CACNG7: variants seen among roughly 807,000 people sequenced by gnomAD.
The protein encoded by CACNG7 is voltage-dependent calcium channel gamma-7 subunit.
Under a neutral mutation model 26.3 loss-of-function variants are expected in CACNG7, and 9 were observed. The observed-to-expected ratio is 0.34, with a 90% CI of 0.21 to 0.60. The LOEUF is 0.60. Ranked by LOEUF, CACNG7 falls within the 20% of genes least tolerant of loss-of-function variation. CACNG7 has a pLI of 0.81. For synonymous variants in CACNG7, 170 were observed against 157.0 expected, an observed-to-expected ratio of 1.08 and a Z score of -0.62; for missense variants, 297 against 380.4, an observed-to-expected ratio of 0.78 and a Z score of 1.82.
intron 4 of CACNG7, among the ~76,000 whole-genome samples, chr19:53,929,804 A>G (rs2145914427): frequency 6.6e-6 from 1 of 152,238 alleles, no homozygotes. Flanking sequence ...AGTGTTATGG[A>G]AGTTCAGAGC....
In CACNG7 at chr19:53,935,800, C is replaced by T. The variant is rs146571217; in HGVS notation, c.425-5670C>T. Among the ~76,000 whole-genome samples the T allele has an allele frequency of 6.9e-3, 1,047 of 151,908 alleles. 12 individuals are homozygous for T. Among genetic ancestry groups the T allele is most frequent in the African/African-American group, 0.024 (1,012 of 41,444 alleles). On this transcript the variant is annotated intron_variant, in intron 4 of 5. Transcript: ENST00000391767. ...GGATTACAGGCACCCACCACCATGC[C>T]CAGCTAATTTTTGTATTTTTAGTAG...
In CACNG7 at chr19:53,941,472, C is replaced by T. The variant is rs370188701; in HGVS notation, c.427C>T (p.Leu143Phe). Residue 143 changes from leucine to phenylalanine, a missense_variant and splice_region_variant, in exon 5 of 6, where the codon CTC (leucine) becomes TTC (phenylalanine). Transcript: ENST00000391767. The part of the protein sequence containing the change: ...VSGIFFILSG[L>F]SLVVGLVLYI... Reference sequence around the variant, plus strand: ...GGGCACCCCCTCTGCTCCCCTAGGCCTCTCCTTGGTGGTGGGCTTGGTTCT... The same window carrying T: ...GGGCACCCCCTCTGCTCCCCTAGGCTTCTCCTTGGTGGTGGGCTTGGTTCT... 2 of 1,561,324 alleles carry T rather than the reference C, an allele frequency of 1.3e-6. No homozygotes were observed. Among genetic ancestry groups the T allele is most frequent in the Non-Finnish European group, 1.7e-6 (2 of 1,159,184 alleles).
intron 3 of CACNG7, 152 bp from the exon 4 acceptor site, chr19:53,915,213 G>T (rs1489362093): frequency 4.8e-6 from 3 of 625,576 alleles, no homozygotes; most frequent in Admixed American, 2.6e-5. Flanking sequence ...ATCAGGGGAA[G>T]GAGAAGAGTC....
chr19:53,928,859 C>T (rs1177373991), intron 4 of CACNG7, among the ~76,000 whole-genome samples: 1 of 151,930 alleles, frequency 6.6e-6, no homozygotes, highest in African/African-American at 2.4e-5. Context: ...GCCTGTAATC[C>T]CAGCACTTTG....
chr19:53,942,512 C>T lies in CACNG7; in HGVS notation c.*219C>T. On this transcript the variant is annotated 3_prime_UTR_variant, in exon 6 of 6. Transcript: ENST00000391767. The surrounding 1 kb of genome is among the most constrained non-coding windows in gnomAD (Gnocchi z 5.9). ...TCCCGACCTCTCCTTTTCATTGGTC[C>T]CTCTCACTCCCAAATGACTCCTCCC... is the stretch of plus-strand genomic sequence containing the variant. 1 of 1,413,710 alleles carries T rather than the reference C, an allele frequency of 7.1e-7. No individual in the cohort carries two copies. Among genetic ancestry groups the T allele is most frequent in the Non-Finnish European group, 9.2e-7 (1 of 1,088,044 alleles). 87.6% of individuals were successfully genotyped at this position (1,413,710 alleles called of 1,614,324 possible).
At chr19:53,941,340 A>T in intron 4 of CACNG7, 130 bp from the exon 5 acceptor site, 1 of 1,045,166 alleles carries the variant, frequency 9.6e-7, no homozygotes, top group Non-Finnish European at 1.3e-6. Flanking sequence ...ACCAAGGCCC[A>T]GCATACAAGG....
intron 4 of CACNG7, among the ~76,000 whole-genome samples, chr19:53,928,192 C>T (rs990365374): frequency 6.6e-6 from 1 of 152,146 alleles, no homozygotes; most frequent in Non-Finnish European, 1.5e-5. Flanking sequence ...AAAACAAAAT[C>T]TCTTCCTCGG....
At chr19:53,910,734 C>T (rs938997199) in intron 1 of CACNG7, among the ~76,000 whole-genome samples, 2 of 152,006 alleles carry the variant, frequency 1.3e-5, no homozygotes, top group African/African-American at 4.8e-5. Flanking sequence ...TTGAGGAGCT[C>T]CCTCGCTGGA....
At position 53,940,443 on chromosome 19, in the gene CACNG7, G is replaced by A. The variant is rs914421634; in HGVS notation, c.425-1027G>A. On this transcript the variant is annotated intron_variant, in intron 4 of 5. Coordinates refer to ENST00000391767, the MANE Select transcript of CACNG7 (RefSeq NM_031896.5). The surrounding 1 kb of genome is among the most constrained non-coding windows in gnomAD (Gnocchi z 4.1). ...CCTCAGCTCAGGCCTCATCCTCTTCGCCCTGGAATATGTCTCCCTCCAGTC... is the reference window on the plus strand; with the variant it reads ...CCTCAGCTCAGGCCTCATCCTCTTCACCCTGGAATATGTCTCCCTCCAGTC... Among the ~76,000 whole-genome samples, 2 of 151,802 alleles carry A rather than the reference G, an allele frequency of 1.3e-5. No individual in the cohort carries two copies. The highest frequency in any genetic ancestry group is 2.1e-4 in the South Asian group (1 of 4,800).
In CACNG7 at chr19:53,909,580, G is replaced by A. The variant is rs1310622547; in HGVS notation, c.-30+63G>A. ...CGCCCCTCGAGGTGGCTGCGAGCCG[G>A]GTTTGGGGCAACAAGGGACCCGAGT... On this transcript the variant is annotated intron_variant, in intron 1 of 5. Coordinates refer to ENST00000391767, the MANE Select transcript of CACNG7 (RefSeq NM_031896.5). The surrounding 1 kb of genome is among the most constrained non-coding windows in gnomAD (Gnocchi z 5.1). 3 of 152,778 alleles carry A rather than the reference G, an allele frequency of 2.0e-5. No homozygotes were observed. The highest frequency in any genetic ancestry group is 6.5e-5 in the Admixed American group (1 of 15,288). The allele number at this position is 152,778 out of a possible 1,614,324, so 9.5% of individuals were successfully genotyped here.
chr19:53,921,020 C>T (rs1284129986), intron 4 of CACNG7, among the ~76,000 whole-genome samples: 3 of 86,096 alleles, frequency 3.5e-5, no homozygotes, highest in African/African-American at 7.5e-5. Context: ...TGGAGTTGCC[C>T]CAGGCTGGTC....
rs1348061768 is a variant in CACNG7, at chr19:53,912,952, G to C, written c.121G>C (p.Val41Leu). 1.2e-6 allele frequency: 2 copies of C among 1,613,968 alleles called. No individual in the cohort carries two copies. Among genetic ancestry groups the C allele is most frequent in the Admixed American group, 1.7e-5 (1 of 59,996 alleles). The change falls in exon 2 of 6, where the codon GTG becomes CTG. Residue 41 changes from valine to leucine, a missense_variant. Transcript: ENST00000391767. The surrounding 1 kb of genome is among the most constrained non-coding windows in gnomAD (Gnocchi z 4.6). ...CTGGCTGTACATGGAAGAAGGCACA[G>C]TGCTACCGCAGAACCAGACCACCGA... ...DYWLYMEEGT[V>L]LPQNQTTEVK...
intron 4 of CACNG7, among the ~76,000 whole-genome samples, chr19:53,924,023 A>G (rs1329700824): frequency 1.1e-4 from 14 of 126,776 alleles, no homozygotes; most frequent in African/African-American, 4.6e-4. Flanking sequence ...AGGCCTGGTC[A>G]TTGGTGGAGT....
intron 4 of CACNG7, among the ~76,000 whole-genome samples, chr19:53,929,581 C>A (rs577994351): frequency 6.6e-6 from 1 of 152,040 alleles, no homozygotes; most frequent in Non-Finnish European, 1.5e-5. Flanking sequence ...CTCAGCCTCC[C>A]GAGTAGCTGG....
At chr19:53,914,373 G>T in intron 2 of CACNG7, 127 bp from the exon 3 acceptor site, 1 of 688,692 alleles carries the variant, frequency 1.5e-6, no homozygotes, top group Non-Finnish European at 2.6e-6. Flanking sequence ...AGTACAGCTC[G>T]TAACCCTTGG....
chr19:53,914,429 T>A, intron 2 of CACNG7, 71 bp from the exon 3 acceptor site: 1 of 1,339,992 alleles, frequency 7.5e-7, no homozygotes, highest in Non-Finnish European at 1.1e-6. Flanking sequence ...CTATCTGTCC[T>A]GCCCCCACCC....
chr19:53,913,053 CA>C (rs1184860807), intron 2 of CACNG7, 26 bp downstream of exon 2: 3 of 1,591,998 alleles, frequency 1.9e-6, no homozygotes, highest in Non-Finnish European at 2.6e-6. Context: ...GTCTTCCACT[CA>C]ACAGTTTCTG....
In CACNG7 at chr19:53,943,884, A is replaced by C. The variant is rs1405719503; in HGVS notation, c.*1591A>C. The C allele has an allele frequency of 6.6e-6, 1 of 152,110 alleles. No individual in the cohort carries two copies. The highest frequency in any genetic ancestry group is 1.5e-5 in the Non-Finnish European group (1 of 68,024). 9.4% of individuals were successfully genotyped at this position (152,110 alleles called of 1,614,324 possible). A position where few individuals can be genotyped will look rare whatever the true frequency, so the allele number is the denominator to read the frequency against. ...CAGCGCTTTATACTTCAGTCCGTGT[A>C]AAGCATGCAGGACCGTAAATGATAC... On this transcript the variant is annotated 3_prime_UTR_variant, in exon 6 of 6. Transcript: ENST00000391767.
Position 53,942,603 on chromosome 19 carries a change from C to A in CACNG7, c.*310C>A. 26 of 1,258,132 alleles carry A rather than the reference C, an allele frequency of 2.1e-5. No homozygotes were observed. The highest frequency in any genetic ancestry group is 1.6e-4 in the South Asian group (7 of 43,048). The allele number at this position is 1,258,132 out of a possible 1,614,324, so 77.9% of individuals were successfully genotyped here. Reference sequence around the variant, plus strand: ...AGAAAATTAGCTCCTCCCTCGTTCTCCACCTGCTCTGAGCTGGGAGCAGCC... The same window carrying A: ...AGAAAATTAGCTCCTCCCTCGTTCTACACCTGCTCTGAGCTGGGAGCAGCC... On this transcript the variant is annotated 3_prime_UTR_variant, in exon 6 of 6. Transcript: ENST00000391767. This position sits in a 1 kb window ranked among gnomAD's most constrained non-coding sequence, Gnocchi z 5.9.
Sources: gnomAD v4.1 joint callset for allele counts (sites outside exome capture counted in the v4.1 genomes callset) on GRCh38, gnomAD v4.1.1 for gene constraint, Gnocchi (gnomAD v3.1) non-coding constraint, MANE v1.5 for transcripts, NCBI Gene and HGNC (gene_info 2026-07-23, HGNC 2026-07-21) for gene names.